The following C12orf56 variants were observed in gnomAD, a reference collection of about 807,000 sequenced individuals.
The protein encoded by C12orf56 is chromosome 12 open reading frame 56, also known as uncharacterized protein C12orf56.
C12orf56 carries 71 observed loss-of-function variants against 69.9 expected under a neutral mutation model. That is an observed-to-expected ratio of 1.02 (90% confidence interval 0.84 to 1.24). The LOEUF (loss-of-function observed/expected upper bound fraction) is 1.24. C12orf56 is among the 50% of genes most tolerant of loss of function. The pLI, the probability that C12orf56 is intolerant of heterozygous loss-of-function variation, is 0.00. For missense variants in C12orf56, 732 were observed against 738.5 expected (o/e 0.99, Z 0.10); for synonymous variants, 276 against 274.1 (o/e 1.01, Z -0.07).
At chr12:64,385,627 C>G (rs1315120719) in intron 1 of C12orf56, among the ~76,000 whole-genome samples, 1 of 152,060 alleles carries the variant, frequency 6.6e-6, no homozygotes, top group Non-Finnish European at 1.5e-5. Context: ...GTGGCCCCCA[C>G]CCAGGAACTG....
At chr12:64,276,006 C>G (rs114396380) in intron 9 of C12orf56, among the ~76,000 whole-genome samples, 2 of 150,592 alleles carry the variant, frequency 1.3e-5, no homozygotes, top group South Asian at 4.2e-4. Flanking sequence ...TACACACCCC[C>G]CCCCGCGAGT....
At chr12:64,310,457 C>T (rs995229483) in intron 5 of C12orf56, among the ~76,000 whole-genome samples, 3 of 152,186 alleles carry the variant, frequency 2.0e-5, no homozygotes, top group African/African-American at 7.2e-5. Flanking sequence ...AATTTGCACT[C>T]ATCATCTAGG....
intron 5 of C12orf56, 146 bp downstream of exon 5, chr12:64,312,533 C>T (rs1215204037): frequency 8.8e-6 from 5 of 565,920 alleles, no homozygotes. Flanking sequence ...CTCTTGAGCC[C>T]AGGAGGTAGA....
At position 64,312,734 on chromosome 12, in the gene C12orf56, C is replaced by G; in HGVS notation, c.913G>C (p.Asp305His). 6 of 1,536,186 alleles carry G rather than the reference C, an allele frequency of 3.9e-6. No homozygotes were observed. The highest frequency in any genetic ancestry group is 5.2e-6 in the Non-Finnish European group (6 of 1,146,144). The change falls in exon 5 of 13, where the codon GAT becomes CAT. Residue 305 changes from aspartate (D) to histidine (H), a missense_variant. By Grantham distance (81) the Asp-to-His change is moderately conservative. Transcript: ENST00000543942. ...CTGAACTCACTAGCATAGAAGGGAT[C>G]TTGTAAAAGAGTAGCTTTCTGAAAA... The part of the protein sequence containing the change: ...NYIIKATLLQ[D>H]PFYASEFSPA...
At chr12:64,283,347 A>AAAAAT (rs1458587340) in intron 8 of C12orf56, among the ~76,000 whole-genome samples, 1 of 152,164 alleles carries the variant, frequency 6.6e-6, no homozygotes, top group Admixed American at 6.5e-5. Context: ...TCTGTATCAA[A>AAAAAT]AAAATAAAAT....
chr12:64,285,931 A>T, intron 7 of C12orf56, 23 bp downstream of exon 7: 2 of 1,456,212 alleles, frequency 1.4e-6, no homozygotes, highest in Non-Finnish European at 9.3e-7. Context: ...AAAAAAATCG[A>T]TGATTATCTA....
At chr12:64,360,207 A>G (rs2039381074) in intron 1 of C12orf56, among the ~76,000 whole-genome samples, 1 of 151,852 alleles carries the variant, frequency 6.6e-6, no homozygotes, top group Admixed American at 6.6e-5. Flanking sequence ...CAGCGATTGC[A>G]TGAGGCCAGG....
rs115088569 is a variant in C12orf56, at chr12:64,380,925, A to T, written c.252+9389T>A. 7.2e-3 allele frequency among the ~76,000 whole-genome samples: 1,098 copies of T among 152,272 alleles called. 20 individuals carry two copies. Among genetic ancestry groups the T allele is most frequent in the African/African-American group, 0.024 (1,006 of 41,548 alleles). ...AGCATGTTATAATTTAATTTATGAT[A>T]TATGTTTCAAAGATAACCACAATGT... On this transcript the variant is annotated intron_variant, in intron 1 of 12. Transcript: ENST00000543942.
At position 64,277,815 on chromosome 12, in the gene C12orf56, T is replaced by G; in HGVS notation, c.1311-12A>C. ...TAAATAGTGCTCCCCTGGAAAAAAA[T>G]AAATAAAAGGCAATTAGTGAGCAAA... On this transcript the variant is annotated splice_polypyrimidine_tract_variant and intron_variant, in intron 8 of 12. Transcript: ENST00000543942. 6.5e-7 allele frequency: 1 copy of G among 1,527,216 alleles called. No individual in the cohort carries two copies. Among genetic ancestry groups the G allele is most frequent in the South Asian group, 1.3e-5 (1 of 75,048 alleles). 94.6% of individuals were successfully genotyped at this position (1,527,216 alleles called of 1,614,324 possible).
chr12:64,300,174 G>C (rs1024006963), intron 6 of C12orf56, among the ~76,000 whole-genome samples: 1 of 152,062 alleles, frequency 6.6e-6, no homozygotes, highest in African/African-American at 2.4e-5. Flanking sequence ...TAGAAGAAGA[G>C]TATTCTAGAG....
chr12:64,360,403 C>T (rs533039807), intron 1 of C12orf56, among the ~76,000 whole-genome samples: 13 of 152,062 alleles, frequency 8.5e-5, no homozygotes, highest in South Asian at 2.1e-4. Context: ...CTAGCCTGGG[C>T]GACAGAGCAA....
chr12:64,286,121 C>T (rs1184579186), intron 6 of C12orf56, 61 bp from the exon 7 acceptor site: 4 of 969,308 alleles, frequency 4.1e-6, no homozygotes, highest in African/African-American at 1.7e-5. Context: ...AAATTCTCTA[C>T]TCTCATGTAC....
chr12:64,366,217 TTTATATATTATATATAATATAC>T, intron 1 of C12orf56, among the ~76,000 whole-genome samples: 1 of 70,784 alleles, frequency 1.4e-5, no homozygotes, highest in African/African-American at 5.3e-5. Context: ...TAATATACAG[TTTATATATTATATATAATATAC>T]AGTTTATATA....
intron 6 of C12orf56, among the ~76,000 whole-genome samples, chr12:64,299,417 A>G (rs968512933): frequency 1.3e-5 from 2 of 152,148 alleles, no homozygotes; most frequent in African/African-American, 4.8e-5. Context: ...ACTGAATTAG[A>G]AGATTTGTTT....
intron 2 of C12orf56, chr12:64,338,190 G>T (rs993770867): frequency 1.0e-5 from 6 of 583,046 alleles, no homozygotes; most frequent in Non-Finnish European, 1.3e-5. Flanking sequence ...AAAACTTCCT[G>T]TTGGCATTTG....
At position 64,331,022 on chromosome 12, in the gene C12orf56, T is replaced by G. The variant is rs1465367790; in HGVS notation, c.426A>C (p.Glu142Asp). 9 of 1,539,304 alleles carry G rather than the reference T, an allele frequency of 5.8e-6. No individual in the cohort carries two copies. The highest frequency in any genetic ancestry group is 2.4e-5 in the East Asian group (1 of 41,186). Reference protein sequence around the residue: ...TKANNKKVKEEKNGLAFWRSK... With the variant: ...TKANNKKVKEDKNGLAFWRSK... ...TTCTCCAAAAGGCAAGGCCGTTCTT[T>G]TCTTCCTTGACTTAAAAAAAAAATA... is the stretch of plus-strand genomic sequence containing the variant. The change falls in exon 3 of 13, where the codon GAA (glutamate) becomes GAC (aspartate). Residue 142 changes from glutamate (E) to aspartate (D), a missense_variant. Transcript: ENST00000543942.
Position 64,267,295 on chromosome 12 carries a change from A to G in C12orf56, c.1764-7T>C. Reference sequence around the variant, plus strand: ...TGGCATGTGAATAAAGTACCTGCAAATCATAAAAAGAAACAAAATAGAGAG... The same window carrying G: ...TGGCATGTGAATAAAGTACCTGCAAGTCATAAAAAGAAACAAAATAGAGAG... On this transcript the variant is annotated splice_region_variant and splice_polypyrimidine_tract_variant and intron_variant, in intron 12 of 12. Transcript: ENST00000543942. 2 of 1,594,980 alleles carry G rather than the reference A, an allele frequency of 1.3e-6. No homozygotes were observed. Among genetic ancestry groups the G allele is most frequent in the Non-Finnish European group, 1.7e-6 (2 of 1,168,282 alleles).
intron 1 of C12orf56, among the ~76,000 whole-genome samples, chr12:64,372,502 A>AT (rs997854771): frequency 2.0e-5 from 3 of 151,646 alleles, no homozygotes; most frequent in East Asian, 3.9e-4. Flanking sequence ...GCTTTTAGTA[A>AT]TTTTTTTTAG....
intron 2 of C12orf56, among the ~76,000 whole-genome samples, chr12:64,334,183 A>C (rs2038965203): frequency 6.6e-6 from 1 of 152,220 alleles, no homozygotes; most frequent in African/African-American, 2.4e-5. Context: ...CAAGGGGTTC[A>C]ATTATATTCA....
Sources: allele counts gnomAD v4.1 joint callset (sites outside exome capture counted in the v4.1 genomes callset), GRCh38; gene constraint gnomAD v4.1.1; transcripts MANE v1.5; gene names NCBI Gene and HGNC (gene_info 2026-07-23, HGNC 2026-07-21).